CNBD1: variants seen among roughly 807,000 people sequenced by gnomAD.
The protein encoded by CNBD1 is cyclic nucleotide binding domain containing 1.
In CNBD1, 71 loss-of-function variants were observed where a neutral mutation model predicts 54.4. The ratio of observed to expected loss-of-function variants is 1.30; its 90% CI spans 1.08 to 1.59. The LOEUF is 1.59. CNBD1 is among the 40% of genes most tolerant of loss of function. The pLI, the probability that CNBD1 is intolerant of heterozygous loss-of-function variation, is 0.00. For missense variants in CNBD1, 659 were observed against 518.0 expected (o/e 1.27, Z -2.64); for synonymous variants, 182 against 170.7 (o/e 1.07, Z -0.51).
In CNBD1 at chr8:87,322,523, G is replaced by C. The variant is rs1219847135; in HGVS notation, c.1043-29162G>C. 1.7e-5 allele frequency among the ~76,000 whole-genome samples: 2 copies of C among 121,118 alleles called. 1 individual carries two copies. The highest frequency in any genetic ancestry group is 6.2e-5 in the African/African-American group (2 of 32,368). The allele number at this position is 121,118 out of a possible 152,430, so 79.5% of individuals were successfully genotyped here. ...AACTGGTGTGAGATGATATCTCATA[G>C]TGGTTTTGATTTGCATTTCTCTGAT... is the stretch of plus-strand genomic sequence containing the variant. On this transcript the variant is annotated intron_variant, in intron 8 of 10. Coordinates refer to ENST00000518476, the MANE Select transcript of CNBD1 (RefSeq NM_173538.3).
In CNBD1 at chr8:87,073,480, T is replaced by G. The variant is rs573985259; in HGVS notation, c.432-132513T>G. Among the ~76,000 whole-genome samples, 11 of 152,278 alleles carry G rather than the reference T, an allele frequency of 7.2e-5. No individual in the cohort carries two copies. In the South Asian group the frequency reaches 2.3e-3, roughly 32 times the overall value. On this transcript the variant is annotated intron_variant, in intron 4 of 10. Coordinates refer to ENST00000518476, the MANE Select transcript of CNBD1 (RefSeq NM_173538.3). ...AGGTTGCTGACCTTTGAATAAGGTTTTCATGAGGTCTTTGTTATGGATGTT... is the reference window on the plus strand; with the variant it reads ...AGGTTGCTGACCTTTGAATAAGGTTGTCATGAGGTCTTTGTTATGGATGTT...
chr8:86,908,511 C>A (rs1184072990), intron 3 of CNBD1, among the ~76,000 whole-genome samples: 1 of 152,160 alleles, frequency 6.6e-6, no homozygotes, highest in Admixed American at 6.5e-5. Flanking sequence ...TATTAATCCC[C>A]TACTTCAGAG....
chr8:87,079,193 C>T (rs1464009459), intron 4 of CNBD1, among the ~76,000 whole-genome samples: 1 of 151,838 alleles, frequency 6.6e-6, no homozygotes, highest in African/African-American at 2.4e-5. Flanking sequence ...TAATCTGTTA[C>T]TTTTTAATAA....
intron 2 of CNBD1, among the ~76,000 whole-genome samples, chr8:87,419,018 A>T (rs1807881778): frequency 6.6e-6 from 1 of 151,968 alleles, no homozygotes; most frequent in African/African-American, 2.4e-5. Flanking sequence ...TCATAGCAGC[A>T]TTACTCATAA....
chr8:87,320,918 A>T (rs140219992), intron 8 of CNBD1, among the ~76,000 whole-genome samples: 1 of 152,108 alleles, frequency 6.6e-6, no homozygotes, highest in African/African-American at 2.4e-5. Context: ...TCTGCTATCA[A>T]TATGGCTATT....
chr8:87,074,968 T>C (rs185142962), intron 4 of CNBD1, among the ~76,000 whole-genome samples: 49 of 152,338 alleles, frequency 3.2e-4, no homozygotes, highest in Non-Finnish European at 5.9e-4. Context: ...GCTCTTTCAA[T>C]TATTTAATCT....
At chr8:87,083,585 CTTT>C (rs752855766) in intron 4 of CNBD1, among the ~76,000 whole-genome samples, 3 of 117,150 alleles carry the variant, frequency 2.6e-5, no homozygotes, top group Admixed American at 8.8e-5. Context: ...CAATGTATTT[CTTT>C]TTTTTTTTTT....
chr8:87,241,568 C>T (rs931376457), intron 6 of CNBD1, among the ~76,000 whole-genome samples: 16 of 151,978 alleles, frequency 1.1e-4, no homozygotes, highest in African/African-American at 3.9e-4. Context: ...CACTGCACCC[C>T]GCCCATGGAA....
At chr8:87,383,417 A>G (rs777247012), downstream of CNBD1, among the ~76,000 whole-genome samples, 16 of 152,200 alleles carry the variant, frequency 1.1e-4, no homozygotes, top group African/African-American at 3.9e-4. Flanking sequence ...TAGGTGCTCT[A>G]AAAATGTCTG....
chr8:87,159,536 C>T (rs757044032), intron 4 of CNBD1, among the ~76,000 whole-genome samples: 2 of 152,074 alleles, frequency 1.3e-5, no homozygotes, highest in Non-Finnish European at 2.9e-5. Context: ...AGCTTTTGCA[C>T]TTAGATGACT....
chr8:87,195,524 A>C (rs1384361260), intron 4 of CNBD1, among the ~76,000 whole-genome samples: 1 of 147,228 alleles, frequency 6.8e-6, no homozygotes, highest in African/African-American at 2.5e-5. Flanking sequence ...CACCATGCCC[A>C]GCTGAATATT....
intron 8 of CNBD1, among the ~76,000 whole-genome samples, chr8:87,317,783 C>T (rs1249764398): frequency 1.3e-5 from 2 of 151,934 alleles, no homozygotes; most frequent in African/African-American, 2.4e-5. Context: ...ATTACATCTT[C>T]AAATGCCTAC....
At chr8:87,252,588 T>C (rs1387181738) in intron 6 of CNBD1, among the ~76,000 whole-genome samples, 1 of 152,154 alleles carries the variant, frequency 6.6e-6, no homozygotes, top group East Asian at 1.9e-4. Flanking sequence ...TGCTGAGAAC[T>C]GGGAAAGCAA....
intron 6 of CNBD1, among the ~76,000 whole-genome samples, chr8:87,260,606 G>C (rs1200060930): frequency 6.6e-6 from 1 of 152,130 alleles, no homozygotes; most frequent in Non-Finnish European, 1.5e-5. Context: ...CCAGAAATCT[G>C]ACTGGTAAGA....
chr8:87,158,307 A>G (rs924194658), intron 4 of CNBD1, among the ~76,000 whole-genome samples: 1 of 152,186 alleles, frequency 6.6e-6, no homozygotes, highest in African/African-American at 2.4e-5. Flanking sequence ...TCATGAGAAG[A>G]TTAAGTGAGT....
intron 5 of CNBD1, among the ~76,000 whole-genome samples, chr8:87,228,763 C>G (rs1814580337): frequency 6.6e-6 from 1 of 152,008 alleles, no homozygotes; most frequent in South Asian, 2.1e-4. Flanking sequence ...CTGTGGTGGG[C>G]TCCACCCAGT....
At position 87,319,633 on chromosome 8, in the gene CNBD1, ACTTT is replaced by A. The variant is rs752294574; in HGVS notation, c.1043-32046_1043-32043del. 3.9e-5 allele frequency among the ~76,000 whole-genome samples: 6 copies of A among 152,226 alleles called. No individual in the cohort carries two copies. The East Asian group carries it at 5.8e-4, about 15-fold the overall frequency. Reference sequence around the variant, plus strand: ...AATTGTGTAGCAACAGGGGAAATATACTTTCTTTCAGTAACTAAATGTGTTGTTA... The same window carrying A: ...AATTGTGTAGCAACAGGGGAAATATACTTTCAGTAACTAAATGTGTTGTTA... On this transcript the variant is annotated intron_variant, in intron 8 of 10. Coordinates refer to ENST00000518476, the MANE Select transcript of CNBD1 (RefSeq NM_173538.3).
chr8:86,905,018 ATCTT>A (rs1808994979), intron 2 of CNBD1, 59 bp from the exon 3 acceptor site: 1 of 945,786 alleles, frequency 1.1e-6, no homozygotes, highest in Non-Finnish European at 1.6e-6. Flanking sequence ...TGAGTTAAAA[ATCTT>A]TCTCTTGGAA....
intron 4 of CNBD1, among the ~76,000 whole-genome samples, chr8:87,067,159 G>A (rs1407671682): frequency 6.6e-6 from 1 of 151,954 alleles, no homozygotes; most frequent in Non-Finnish European, 1.5e-5. Context: ...GAGCTCAATT[G>A]TTTAGAGATA....
Sources: gnomAD v4.1 joint callset for allele counts (sites outside exome capture counted in the v4.1 genomes callset) on GRCh38, gnomAD v4.1.1 for gene constraint, MANE v1.5 for transcripts, NCBI Gene and HGNC (gene_info 2026-07-23, HGNC 2026-07-21) for gene names.